Variants in GRIK2 observed in about 807,000 individuals in gnomAD.
The protein encoded by GRIK2 is glutamate ionotropic receptor kainate type subunit 2.
In GRIK2, 32 loss-of-function variants were observed where a neutral mutation model predicts 100.3. The ratio of observed to expected loss-of-function variants is 0.32; its 90% CI spans 0.24 to 0.43. The LOEUF is 0.43. Ranked by LOEUF, GRIK2 falls within the 20% of genes least tolerant of loss-of-function variation. GRIK2 has a pLI of 1.00. For missense variants in GRIK2, 843 were observed against 1,114.9 expected, an observed-to-expected ratio of 0.76 and a Z score of 3.47; for synonymous variants, 417 against 389.4, an observed-to-expected ratio of 1.07 and a Z score of -0.83.
intron 2 of GRIK2, among the ~76,000 whole-genome samples, chr6:101,408,750 A>G (rs564359414): frequency 1.6e-4 from 25 of 152,096 alleles, no homozygotes; most frequent in Non-Finnish European, 3.4e-4. Context: ...TATTTTACTG[A>G]TTCAGATGCT....
intron 4 of GRIK2, among the ~76,000 whole-genome samples, chr6:101,648,879 G>T (rs1172726426): frequency 6.6e-6 from 1 of 152,040 alleles, no homozygotes; most frequent in Non-Finnish European, 1.5e-5. Flanking sequence ...CACAAACATG[G>T]TGGAAGATAA....
intron 12 of GRIK2, among the ~76,000 whole-genome samples, chr6:101,911,716 T>C (rs1423582234): frequency 6.6e-6 from 1 of 151,458 alleles, no homozygotes; most frequent in African/African-American, 2.4e-5. Flanking sequence ...GTTTGTTTTC[T>C]ACGTAAAACA....
chr6:101,724,842 A>G (rs141739321), intron 7 of GRIK2, among the ~76,000 whole-genome samples: 6 of 152,036 alleles, frequency 3.9e-5, no homozygotes, highest in Non-Finnish European at 7.4e-5. Flanking sequence ...GAGAAATAGG[A>G]GGTTTGAGGG....
chr6:101,859,479 G>A lies in GRIK2; in HGVS notation c.1510G>A (p.Glu504Lys). The A allele has an allele frequency of 6.3e-7, 1 of 1,586,460 alleles. No individual in the cohort carries two copies. The highest frequency in any genetic ancestry group is 8.6e-7 in the Non-Finnish European group (1 of 1,156,974). ...ANGQWNGMVR[E>K]LIDHKADLAV... ...TGGACAATGGAATGGAATGGTTCGT[G>A]AACTAATTGATCATGTAAGTCCCTT... Residue 504 changes from glutamate to lysine, a missense_variant, in exon 11 of 17, where the codon GAA (glutamate) becomes AAA (lysine). Physicochemically the swap from Glu to Lys is moderately conservative, Grantham distance 56. Transcript: ENST00000369134.
intron 15 of GRIK2, among the ~76,000 whole-genome samples, chr6:102,050,452 G>C (rs1300663840): frequency 6.6e-6 from 1 of 151,940 alleles, no homozygotes; most frequent in Non-Finnish European, 1.5e-5. Flanking sequence ...AAGAGATTGA[G>C]ACCATCCTGG....
rs766178283 is a variant in GRIK2, at chr6:102,035,326, A to G, written c.2086-15A>G. ...AATAACTTTCTCGTGACCAACTTAT[A>G]TTTATTTTCTTCAGAAATCAAAAAT... On this transcript the variant is annotated splice_polypyrimidine_tract_variant and intron_variant, in intron 14 of 16. Coordinates refer to ENST00000369134, the MANE Select transcript of GRIK2 (RefSeq NM_021956.5). 6 of 1,497,004 alleles carry G rather than the reference A, an allele frequency of 4.0e-6. No individual in the cohort carries two copies. The South Asian group carries it at 5.7e-5, about 14-fold the overall frequency. The allele number at this position is 1,497,004 out of a possible 1,614,324, so 92.7% of individuals were successfully genotyped here.
At chr6:101,662,018 T>A (rs532135750) in intron 4 of GRIK2, among the ~76,000 whole-genome samples, 1 of 152,308 alleles carries the variant, frequency 6.6e-6, no homozygotes, top group South Asian at 2.1e-4. Context: ...TTTACCTAAC[T>A]CACAGAATAC....
At chr6:102,058,113 C>G (rs1221726554) in intron 16 of GRIK2, among the ~76,000 whole-genome samples, 1 of 151,862 alleles carries the variant, frequency 6.6e-6, no homozygotes, top group East Asian at 1.9e-4. Context: ...GTATTTTGCT[C>G]ATTTCAAACC....
chr6:101,693,535 A>G (rs1398700484), intron 7 of GRIK2, among the ~76,000 whole-genome samples: 1 of 151,934 alleles, frequency 6.6e-6, no homozygotes, highest in East Asian at 1.9e-4. Flanking sequence ...TCATTGTTGT[A>G]TGCAGCACCT....
At chr6:101,728,362 A>G (rs972230505) in intron 7 of GRIK2, among the ~76,000 whole-genome samples, 2 of 152,112 alleles carry the variant, frequency 1.3e-5, no homozygotes, top group South Asian at 4.1e-4. Flanking sequence ...TCTATCAGTA[A>G]CACTGCATGG....
chr6:101,556,592 TTGA>T (rs1352120181), intron 2 of GRIK2, among the ~76,000 whole-genome samples: 1 of 152,150 alleles, frequency 6.6e-6, no homozygotes, highest in African/African-American at 2.4e-5. Context: ...GAAGTTATTA[TTGA>T]TAATAGCTGC....
intron 4 of GRIK2, among the ~76,000 whole-genome samples, chr6:101,675,194 A>T (rs1467689888): frequency 6.6e-6 from 1 of 151,666 alleles, no homozygotes; most frequent in African/African-American, 2.4e-5. Flanking sequence ...CCCTCCATTT[A>T]TTTTTATTTA....
At chr6:101,748,459 A>G (rs545929249) in intron 7 of GRIK2, among the ~76,000 whole-genome samples, 1 of 152,264 alleles carries the variant, frequency 6.6e-6, no homozygotes, top group East Asian at 1.9e-4. Flanking sequence ...CATTAAGTAT[A>G]TTAATTAAAC....
At chr6:101,810,056 A>T (rs1781234149) in intron 9 of GRIK2, among the ~76,000 whole-genome samples, 1 of 150,060 alleles carries the variant, frequency 6.7e-6, no homozygotes. Context: ...TTTTTCTTTT[A>T]ACCACTAAAT....
chr6:101,510,451 GT>G (rs899003266), intron 2 of GRIK2, among the ~76,000 whole-genome samples: 2 of 144,398 alleles, frequency 1.4e-5, no homozygotes, highest in African/African-American at 5.1e-5. Flanking sequence ...GTGTAATTGT[GT>G]TGTATTGGCT....
intron 10 of GRIK2, among the ~76,000 whole-genome samples, chr6:101,843,450 CTTT>C (rs1783631987): frequency 6.6e-6 from 1 of 152,170 alleles, no homozygotes; most frequent in Non-Finnish European, 1.5e-5. Flanking sequence ...TACGCCACTT[CTTT>C]AACTCCATAG....
At chr6:101,702,797 C>A (rs1772988701) in intron 7 of GRIK2, among the ~76,000 whole-genome samples, 2 of 151,838 alleles carry the variant, frequency 1.3e-5, no homozygotes, top group African/African-American at 2.4e-5. Context: ...GGTAGCCATA[C>A]AAATATTGAT....
chr6:101,690,554 T>C (rs1379280044), intron 7 of GRIK2, among the ~76,000 whole-genome samples: 2 of 152,182 alleles, frequency 1.3e-5, no homozygotes, highest in African/African-American at 4.8e-5. Flanking sequence ...CTCTCCTACA[T>C]TCACCTTCTT....
chr6:101,575,719 T>C (rs955904380), intron 2 of GRIK2, among the ~76,000 whole-genome samples: 3 of 152,092 alleles, frequency 2.0e-5, no homozygotes, highest in African/African-American at 7.2e-5. Flanking sequence ...CTTAGCTTTA[T>C]AATCTTTACA....
Sources: allele counts gnomAD v4.1 joint callset (sites outside exome capture counted in the v4.1 genomes callset), GRCh38; gene constraint gnomAD v4.1.1; transcripts MANE v1.5; gene names NCBI Gene and HGNC (gene_info 2026-07-23, HGNC 2026-07-21).